PASK: variants seen among roughly 807,000 people sequenced by gnomAD.
PASK encodes the protein PAS domain-containing serine/threonine-protein kinase.
Under a neutral mutation model 121.0 loss-of-function variants are expected in PASK, and 110 were observed. That is an observed-to-expected ratio of 0.91 (90% CI 0.78 to 1.06). PASK has a LOEUF of 1.06. Ranked by LOEUF, PASK falls within the 50% of genes least tolerant of loss-of-function variation. PASK has a pLI of 0.00. For missense variants in PASK, 1,643 were observed against 1,702.3 expected, an observed-to-expected ratio of 0.97 and a Z score of 0.61; for synonymous variants, 686 against 717.8, an observed-to-expected ratio of 0.96 and a Z score of 0.71.
chr2:241,133,387 G>C, intron 8 of PASK: 1 of 371,646 alleles, frequency 2.7e-6, no homozygotes, highest in Non-Finnish European at 5.2e-6. Flanking sequence ...CTCTCCACCT[G>C]GCCTCCCTGC....
Position 241,108,564 on chromosome 2 carries a change from C to T in PASK, c.3534-264G>A, listed in dbSNP as rs1042994226. 3.2e-5 allele frequency: 17 copies of T among 534,610 alleles called. No individual in the cohort carries two copies. Among genetic ancestry groups the T allele is most frequent in the Admixed American group, 2.7e-4 (9 of 33,298 alleles). The allele number at this position is 534,610 out of a possible 1,614,324, so 33.1% of individuals were successfully genotyped here. On this transcript the variant is annotated intron_variant, in intron 15 of 17. Transcript: ENST00000234040. This position sits in a 1 kb window ranked among gnomAD's most constrained non-coding sequence, Gnocchi z 5.2. ...GGAACTTCCTTGTGGACACCAACCA[C>T]AAGACGTGTCTACCAGAGGGGGGAG...
intron 10 of PASK, among the ~76,000 whole-genome samples, chr2:241,125,943 A>G (rs7587318): frequency 0.33 from 49,973 of 152,096 alleles, 12,311 homozygotes; most frequent in African/African-American, 0.68. Flanking sequence ...GGCCTGAGTC[A>G]GGGGGCACAG....
chr2:241,133,497 A>G (rs1272865085), intron 8 of PASK: 3 of 251,792 alleles, frequency 1.2e-5, no homozygotes, highest in African/African-American at 4.5e-5. Context: ...TGGGACCCCA[A>G]GCCTAAGACT....
chr2:241,135,996 A>C lies in PASK; in HGVS notation c.1181T>G (p.Leu394Arg). 1 of 1,614,084 alleles carries C rather than the reference A, an allele frequency of 6.2e-7. No individual in the cohort carries two copies. Among genetic ancestry groups the C allele is most frequent in the South Asian group, 1.1e-5 (1 of 91,082 alleles). ...GAGCTGTAATGAGCTGTTGTACGCA[A>C]GGTCCATGTAGCTGTAGAAACCAGG... ...LIPGFYSYMD[L>R]AYNSSLQLPD... The change falls in exon 8 of 18, where the codon CTT (leucine) becomes CGT (arginine). Residue 394 changes from leucine to arginine, a missense_variant. By Grantham distance (102) the Leu-to-Arg change is moderately radical. Around this residue, in one of 3 missense-constraint regions of PASK, gnomAD observed 1,176 missense variants for 1,162.2 expected, o/e 1.01. Transcript: ENST00000234040.
Position 241,108,548 on chromosome 2 carries a change from T to C in PASK, c.3534-248A>G, listed in dbSNP as rs1043066583. On this transcript the variant is annotated intron_variant, in intron 15 of 17. Transcript: ENST00000234040. This position sits in a 1 kb window ranked among gnomAD's most constrained non-coding sequence, Gnocchi z 5.2. ...GCTCCGAGGCTAATCAGGAACTTCC[T>C]TGTGGACACCAACCACAAGACGTGT... The C allele has an allele frequency of 1.8e-6, 1 of 558,904 alleles. No homozygotes were observed. The highest frequency in any genetic ancestry group is 3.2e-6 in the Non-Finnish European group (1 of 308,930). The allele number at this position is 558,904 out of a possible 1,614,324, so 34.6% of individuals were successfully genotyped here. A position where few individuals can be genotyped will look rare whatever the true frequency, so the allele number is the denominator to read the frequency against.
intron 14 of PASK, chr2:241,114,621 A>G: frequency 1.8e-6 from 2 of 1,084,428 alleles, no homozygotes; most frequent in Non-Finnish European, 2.2e-6. Flanking sequence ...GAATGTCAGG[A>G]TCTCAGTTTT....
chr2:241,124,236 C>A, intron 10 of PASK, 103 bp from the exon 11 acceptor site: 1 of 931,112 alleles, frequency 1.1e-6, no homozygotes, highest in East Asian at 2.6e-5. Context: ...AGTCCAATCC[C>A]CAGCAGCTTT....
intron 14 of PASK, chr2:241,114,679 T>G: frequency 8.3e-7 from 1 of 1,208,576 alleles, no homozygotes; most frequent in African/African-American, 1.5e-5. Context: ...ACTTACAACC[T>G]GCAGGCCGCT....
chr2:241,137,455 G>A (rs917105383), intron 6 of PASK, among the ~76,000 whole-genome samples, 191 bp from the exon 7 acceptor site: 7 of 152,182 alleles, frequency 4.6e-5, no homozygotes, highest in Non-Finnish European at 1.0e-4. Flanking sequence ...TTCTGTGGGT[G>A]GGGAGGACTC....
intron 10 of PASK, among the ~76,000 whole-genome samples, chr2:241,125,669 G>A (rs2065823945): frequency 1.3e-5 from 2 of 151,560 alleles, no homozygotes; most frequent in Non-Finnish European, 2.9e-5. Context: ...CAATCTCAAA[G>A]GGGCAAGCAG....
In PASK at chr2:241,142,924, G is replaced by A; in HGVS notation, c.109C>T (p.Pro37Ser). 1 of 1,613,860 alleles carries A rather than the reference G, an allele frequency of 6.2e-7. No individual in the cohort carries two copies. Among genetic ancestry groups the A allele is most frequent in the Non-Finnish European group, 8.5e-7 (1 of 1,179,804 alleles). ...EGPAAQTTAE[P>S]SRSFSSAHRH... ...TGGGCTGAGGAAAACGACCTGCTGG[G>A]CTCAGCAGTGGTCTGTGCAGCTGGG... Residue 37 changes from proline to serine, a missense_variant, in exon 2 of 18, where the codon CCC becomes TCC. Coordinates refer to ENST00000234040, the MANE Select transcript of PASK (RefSeq NM_015148.4).
chr2:241,115,548 GCC>G, intron 12 of PASK, 135 bp from the exon 13 acceptor site: 1 of 1,001,902 alleles, frequency 1.0e-6, no homozygotes. Flanking sequence ...TTACACCAGG[GCC>G]ACCTGGTCCC....
chr2:241,125,329 G>C (rs1217001984), intron 10 of PASK, among the ~76,000 whole-genome samples: 1 of 143,086 alleles, frequency 7.0e-6, no homozygotes, highest in Non-Finnish European at 1.5e-5. Context: ...GGCCGGGCAC[G>C]GTGGCTCACA....
chr2:241,115,472 G>GAGACACCCAGTCCTCCAGCATCCCATTA (rs2065289109), intron 12 of PASK, 59 bp from the exon 13 acceptor site: 1 of 1,567,166 alleles, frequency 6.4e-7, no homozygotes, highest in African/African-American at 1.6e-5. Flanking sequence ...GCATCCCATT[G>GAGACACCCAGTCCTCCAGCATCCCATTA]CACCAGGGCC....
intron 1 of PASK, among the ~76,000 whole-genome samples, chr2:241,148,153 A>T (rs2067062936): frequency 6.6e-6 from 1 of 152,174 alleles, no homozygotes; most frequent in Non-Finnish European, 1.5e-5. Flanking sequence ...CGGGAACCCA[A>T]ACCCAGCAGA....
chr2:241,132,789 A>C, intron 9 of PASK, 85 bp downstream of exon 9: 4 of 1,134,248 alleles, frequency 3.5e-6, no homozygotes, highest in East Asian at 2.3e-5. Context: ...TAATAGGCTG[A>C]ACATTTCTCT....
chr2:241,119,468 C>CT (rs36113805), intron 12 of PASK, among the ~76,000 whole-genome samples: 35,766 of 134,148 alleles, frequency 0.27, 6,603 homozygotes, highest in East Asian at 0.55. Flanking sequence ...CAAGATGCTT[C>CT]TTTTTTTTTT....
In PASK at chr2:241,128,162, T is replaced by C. The variant is rs564293998; in HGVS notation, c.1464-711A>G. On this transcript the variant is annotated intron_variant, in intron 9 of 17. Coordinates refer to ENST00000234040, the MANE Select transcript of PASK (RefSeq NM_015148.4). ...CCGGTGAGGTGGCAGGCACCTATAA[T>C]CCCAGCTACTTGGAGGCTGAGGCAG... 3.3e-5 allele frequency among the ~76,000 whole-genome samples: 5 copies of C among 152,308 alleles called. No homozygotes were observed. The South Asian group carries it at 1.0e-3, about 32-fold the overall frequency.
chr2:241,106,599 C>A lies in PASK; in HGVS notation c.3939G>T (p.Leu1313Phe). Residue 1313 changes from leucine (L) to phenylalanine (F), a missense_variant, in exon 18 of 18, where the codon TTG becomes TTT. By Grantham distance (22) the Leu-to-Phe change is conservative (BLOSUM62 0). Coordinates refer to ENST00000234040, the MANE Select transcript of PASK (RefSeq NM_015148.4). ...TCAGCAGACGGGGATCCCCGGGATG[C>A]AAACAGCCTTGGCCATTAGGAGCCT... ...PGEAPNGQGC[L>F]HPGDPRLLTS The A allele has an allele frequency of 4.3e-6, 7 of 1,614,210 alleles. No individual in the cohort carries two copies. The highest frequency in any genetic ancestry group is 5.9e-6 in the Non-Finnish European group (7 of 1,180,040).
Sources: allele counts gnomAD v4.1 joint callset (sites outside exome capture counted in the v4.1 genomes callset), GRCh38; gene constraint gnomAD v4.1.1; regional missense constraint gnomAD v4.1.1; non-coding constraint Gnocchi (gnomAD v3.1); transcripts MANE v1.5; gene names NCBI Gene and HGNC (gene_info 2026-07-23, HGNC 2026-07-21).